Variants in SLC8A3 observed in about 807,000 individuals in gnomAD.
SLC8A3 encodes the protein sodium/calcium exchanger 3.
SLC8A3 carries 37 observed loss-of-function variants against 65.4 expected under a neutral mutation model. The ratio of observed to expected loss-of-function variants is 0.57; its 90% CI spans 0.44 to 0.74. The LOEUF (loss-of-function observed/expected upper bound fraction) is 0.74, where lower values mean the gene tolerates loss of function less well. SLC8A3 is among the 30% of genes least tolerant of loss of function. SLC8A3 has a pLI of 0.00. For missense variants in SLC8A3, 1,112 were observed against 1,172.1 expected, an observed-to-expected ratio of 0.95 and a Z score of 0.75; for synonymous variants, 461 against 444.5, an observed-to-expected ratio of 1.04 and a Z score of -0.47.
intron 3 of SLC8A3, chr14:70,055,755 C>A (rs766598336): frequency 1.9e-5 from 30 of 1,584,570 alleles, no homozygotes; most frequent in Admixed American, 9.0e-5. Context: ...ATGGCACTGG[C>A]AAGAAGTGGA....
At chr14:70,169,069 C>T (rs1046387839) in intron 1 of SLC8A3, among the ~76,000 whole-genome samples, 1 of 152,174 alleles carries the variant, frequency 6.6e-6, no homozygotes, top group African/African-American at 2.4e-5. Context: ...CCATTATTCT[C>T]AATCGATTTT....
At chr14:70,187,639 G>T (rs200691686) in intron 1 of SLC8A3, among the ~76,000 whole-genome samples, 7,364 of 128,006 alleles carry the variant, frequency 0.058, 290 homozygotes, top group Non-Finnish European at 0.072. Flanking sequence ...GTGTGTGTGT[G>T]TCCGCGCGCG....
chr14:70,111,965 G>C (rs901780403), intron 2 of SLC8A3, among the ~76,000 whole-genome samples: 9 of 152,304 alleles, frequency 5.9e-5, no homozygotes, highest in African/African-American at 1.7e-4. Flanking sequence ...AAAATGGTGG[G>C]AGCTAGAGCT....
chr14:70,187,631 G>A (rs1436530557), intron 1 of SLC8A3, among the ~76,000 whole-genome samples: 1 of 148,424 alleles, frequency 6.7e-6, no homozygotes, highest in East Asian at 2.0e-4. Flanking sequence ...GTGTGTGTGT[G>A]TGTGTGTGTC....
In SLC8A3 at chr14:70,147,037, C is replaced by T. The variant is rs142719270; in HGVS notation, c.1784+19602G>A. On this transcript the variant is annotated intron_variant, in intron 2 of 6. Transcript: ENST00000356921. The stretch of plus-strand genomic sequence containing the variant: ...CAGCCTGTATTTCCTCCAGGAGCAA[C>T]GCTTTAGGATTCACTCATTCGGAGT... 8.8e-4 allele frequency among the ~76,000 whole-genome samples: 134 copies of T among 152,230 alleles called. No individual in the cohort carries two copies. The East Asian group carries it at 0.023, about 26-fold the overall frequency.
intron 2 of SLC8A3, among the ~76,000 whole-genome samples, chr14:70,117,731 G>A (rs1893762580): frequency 6.6e-6 from 1 of 152,090 alleles, no homozygotes; most frequent in Non-Finnish European, 1.5e-5. Context: ...TTCATATACA[G>A]ATCAACCAAT....
intron 1 of SLC8A3, among the ~76,000 whole-genome samples, chr14:70,174,662 G>GTT (rs10527244): frequency 6.0e-5 from 4 of 66,516 alleles, no homozygotes; most frequent in African/African-American, 1.0e-4. Context: ...TTTTTTTTTT[G>GTT]TTTTTTTTTT....
In SLC8A3 at chr14:70,052,048, G is replaced by A; in HGVS notation, c.1955C>T (p.Pro652Leu). 5.0e-6 allele frequency: 8 copies of A among 1,612,872 alleles called. No homozygotes were observed. The highest frequency in any genetic ancestry group is 6.8e-6 in the Non-Finnish European group (8 of 1,179,640). ...EAKRIAEMGK[P>L]VLGEHPKLEV... ...TAGTTTGGGGTGTTCACCCAATACT[G>A]GCTTTCCCATCTCTGCTATCCTCTT... The change falls in exon 4 of 7, where the codon CCA becomes CTA. Residue 652 changes from proline (P) to leucine (L), a missense_variant. Transcript: ENST00000356921.
At chr14:70,102,510 A>G (rs1351264692) in intron 2 of SLC8A3, among the ~76,000 whole-genome samples, 3 of 152,212 alleles carry the variant, frequency 2.0e-5, no homozygotes, top group African/African-American at 7.2e-5. Context: ...ATCACTCAAT[A>G]GAAAATAACC....
intron 2 of SLC8A3, among the ~76,000 whole-genome samples, chr14:70,119,375 T>C (rs1327293331): frequency 6.6e-6 from 1 of 152,226 alleles, no homozygotes; most frequent in Non-Finnish European, 1.5e-5. Context: ...CTTCCATTTA[T>C]GTGGTGTGCT....
In SLC8A3 at chr14:70,119,755, T is replaced by TGTCC. The variant is rs1893920147; in HGVS notation, c.1784+46883_1784+46884insGGAC. Among the ~76,000 whole-genome samples, 7 of 152,336 alleles carry TGTCC rather than the reference T, an allele frequency of 4.6e-5. No individual in the cohort carries two copies. In the South Asian group the frequency reaches 1.5e-3, roughly 32 times the overall value. On this transcript the variant is annotated intron_variant, in intron 2 of 6. Transcript: ENST00000356921. ...ACCATCAACTTTTTCATCTATACGT[T>TGTCC]AAAGAGGACAATAACCTCATAGGAT...
chr14:70,141,061 A>C (rs562186841), intron 2 of SLC8A3, among the ~76,000 whole-genome samples: 1 of 152,378 alleles, frequency 6.6e-6, no homozygotes, highest in Non-Finnish European at 1.5e-5. Flanking sequence ...GATAATGGTC[A>C]TAATACCGAT....
chr14:70,075,155 G>A (rs569783266), intron 2 of SLC8A3, among the ~76,000 whole-genome samples: 9 of 152,164 alleles, frequency 5.9e-5, no homozygotes, highest in Admixed American at 5.2e-4. Context: ...ATGTGTGTGC[G>A]TGCGTGTGTG....
At chr14:70,153,513 G>A (rs542336353) in intron 2 of SLC8A3, among the ~76,000 whole-genome samples, 1 of 152,232 alleles carries the variant, frequency 6.6e-6, no homozygotes, top group Admixed American at 6.5e-5. Flanking sequence ...AAACAAGAAG[G>A]GGGTGTTGCC....
intron 1 of SLC8A3, among the ~76,000 whole-genome samples, chr14:70,184,076 A>T (rs1882980036): frequency 6.6e-6 from 1 of 151,994 alleles, no homozygotes. Context: ...TTTACCTACA[A>T]CTGTCTTGGT....
At chr14:70,131,407 G>A (rs1199469690) in intron 2 of SLC8A3, among the ~76,000 whole-genome samples, 1 of 152,194 alleles carries the variant, frequency 6.6e-6, no homozygotes, top group Non-Finnish European at 1.5e-5. Flanking sequence ...CAGGCTGTGG[G>A]CCTGGGGTAG....
chr14:70,089,377 C>T (rs1891663819), intron 2 of SLC8A3, among the ~76,000 whole-genome samples: 1 of 152,122 alleles, frequency 6.6e-6, no homozygotes. Flanking sequence ...CAAACCATAA[C>T]AGGAGCTCAT....
rs1226777768 is a variant in SLC8A3, at chr14:70,168,314, C to T, written c.109G>A (p.Asp37Asn). The change falls in exon 2 of 7, where the codon GAC (aspartate) becomes AAC (asparagine). Residue 37 changes from aspartate (D) to asparagine (N), a missense_variant. Transcript: ENST00000356921. ...GLRAEAGGSG[D>N]VPSTGQNNES... ...TTGTTCTGCCCTGTGCTTGGCACGT[C>T]CCCTGAGCCACCAGCCTCTGCTCGA... 3 of 1,614,008 alleles carry T rather than the reference C, an allele frequency of 1.9e-6. No homozygotes were observed. The highest frequency in any genetic ancestry group is 2.5e-6 in the Non-Finnish European group (3 of 1,180,010).
At chr14:70,161,317 A>AAAAAAAC (rs1896880818) in intron 2 of SLC8A3, among the ~76,000 whole-genome samples, 1 of 146,152 alleles carries the variant, frequency 6.8e-6, no homozygotes. Context: ...AAAAAAAAAA[A>AAAAAAAC]AGTCTACATA....
Sources: allele counts gnomAD v4.1 joint callset (sites outside exome capture counted in the v4.1 genomes callset), GRCh38; gene constraint gnomAD v4.1.1; transcripts MANE v1.5; gene names NCBI Gene and HGNC (gene_info 2026-07-23, HGNC 2026-07-21).